ATF6: variants seen among roughly 807,000 people sequenced by gnomAD.
The protein encoded by ATF6 is activating transcription factor 6, also known as cyclic AMP-dependent transcription factor ATF-6 alpha.
In ATF6, 53 loss-of-function variants were observed where a neutral mutation model predicts 83.6. The observed-to-expected ratio is 0.63, with a 90% CI of 0.51 to 0.80. The LOEUF is 0.80. Among genes scored for constraint, ATF6 ranks in the 30% least tolerant of loss-of-function variants. The probability of loss-of-function intolerance (pLI) is 0.00; values close to 1 mark genes in which losing one functional copy is unlikely to be tolerated. For synonymous variants in ATF6, 288 were observed against 285.8 expected, an observed-to-expected ratio of 1.01 and a Z score of -0.08; for missense variants, 744 against 797.9, an observed-to-expected ratio of 0.93 and a Z score of 0.81.
At chr1:161,856,869 T>G (rs1686777909) in intron 12 of ATF6, among the ~76,000 whole-genome samples, 1 of 152,178 alleles carries the variant, frequency 6.6e-6, no homozygotes, top group Non-Finnish European at 1.5e-5. Context: ...TTGTTTTAAT[T>G]TTACTGTCTT....
At chr1:161,948,126 GGTAC>G (rs1358269681) in intron 15 of ATF6, among the ~76,000 whole-genome samples, 1 of 151,990 alleles carries the variant, frequency 6.6e-6, no homozygotes, top group Non-Finnish European at 1.5e-5. Context: ...CTGAAGAAAG[GGTAC>G]GTTCCTAATG....
intron 9 of ATF6, among the ~76,000 whole-genome samples, chr1:161,835,863 A>G (rs542385149): frequency 1.3e-5 from 2 of 152,212 alleles, no homozygotes; most frequent in African/African-American, 4.8e-5. Flanking sequence ...CAAATCATAA[A>G]TGAACATACT....
chr1:161,909,774 G>T (rs1290784054), intron 14 of ATF6, among the ~76,000 whole-genome samples: 1 of 152,130 alleles, frequency 6.6e-6, no homozygotes, highest in East Asian at 1.9e-4. Context: ...GGCTAACATG[G>T]TGAAACCCCG....
At chr1:161,812,158 C>T (rs185824130) in intron 7 of ATF6, among the ~76,000 whole-genome samples, 5 of 152,012 alleles carry the variant, frequency 3.3e-5, no homozygotes, top group African/African-American at 1.2e-4. Context: ...CTCTTTAAAT[C>T]TTATAACAGC....
intron 13 of ATF6, among the ~76,000 whole-genome samples, chr1:161,862,263 A>G (rs1239413045): frequency 1.3e-5 from 2 of 152,190 alleles, no homozygotes; most frequent in African/African-American, 2.4e-5. Context: ...TTTCAAAGGA[A>G]ATTCTTATGA....
At chr1:161,919,786 T>C (rs1319545836) in intron 15 of ATF6, among the ~76,000 whole-genome samples, 2 of 152,228 alleles carry the variant, frequency 1.3e-5, no homozygotes, top group Non-Finnish European at 2.9e-5. Flanking sequence ...ACTGTAATTA[T>C]ATTTAATCTC....
intron 1 of ATF6, among the ~76,000 whole-genome samples, chr1:161,773,415 A>G (rs1280112565): frequency 1.3e-5 from 2 of 152,088 alleles, no homozygotes; most frequent in Non-Finnish European, 2.9e-5. Flanking sequence ...TGCTGAGATT[A>G]CAGGCGTCAG....
chr1:161,816,633 AGAG>A (rs1685621060), intron 7 of ATF6, among the ~76,000 whole-genome samples: 1 of 152,210 alleles, frequency 6.6e-6, no homozygotes, highest in Admixed American at 6.5e-5. Flanking sequence ...AATTTCAACA[AGAG>A]GAGATTAATT....
At chr1:161,827,107 AT>A (rs1445435507) in intron 9 of ATF6, among the ~76,000 whole-genome samples, 1 of 151,616 alleles carries the variant, frequency 6.6e-6, no homozygotes, top group African/African-American at 2.4e-5. Flanking sequence ...AATTTTTTGT[AT>A]TTTTAGTAGA....
At position 161,846,578 on chromosome 1, in the gene ATF6, C is replaced by T. The variant is rs749651564; in HGVS notation, c.1317C>T (p.Tyr439=). ...ATGGTATTATCCAGAAAAACAGCTA[C>T]AGGTAAGATGGCATGCATCTATCTT... The part of the protein sequence containing the change: ...TSDGIIQKNS[Y]RYDHSVSNDK... Residue 439 remains tyrosine (Y), a splice_region_variant and synonymous_variant, in exon 10 of 16, where the codon TAC becomes TAT. Transcript: ENST00000367942. 6.2e-7 allele frequency: 1 copy of T among 1,600,316 alleles called. No individual in the cohort carries two copies. Among genetic ancestry groups the T allele is most frequent in the Non-Finnish European group, 8.5e-7 (1 of 1,173,268 alleles).
chr1:161,836,081 T>C (rs1358058853), intron 9 of ATF6, among the ~76,000 whole-genome samples: 1 of 152,190 alleles, frequency 6.6e-6, no homozygotes, highest in Non-Finnish European at 1.5e-5. Context: ...CTTATGAGAC[T>C]GTGCTTTAAG....
At chr1:161,817,871 G>A (rs1685650462) in intron 7 of ATF6, among the ~76,000 whole-genome samples, 2 of 152,044 alleles carry the variant, frequency 1.3e-5, no homozygotes, top group Admixed American at 6.6e-5. Flanking sequence ...GCCGAGGCGG[G>A]CGGATCAGGA....
intron 9 of ATF6, among the ~76,000 whole-genome samples, chr1:161,823,544 A>G (rs1327462253): frequency 6.6e-6 from 1 of 152,120 alleles, no homozygotes; most frequent in Non-Finnish European, 1.5e-5. Context: ...CTTTCCTTCA[A>G]ATTCTTAATG....
At chr1:161,777,503 C>T (rs970469540) in intron 1 of ATF6, among the ~76,000 whole-genome samples, 5 of 152,134 alleles carry the variant, frequency 3.3e-5, no homozygotes, top group Admixed American at 6.5e-5. Context: ...CAAAGGAAGA[C>T]CTAGTTTTGA....
chr1:161,843,170 TAA>T (rs1197321698), intron 9 of ATF6, among the ~76,000 whole-genome samples: 4 of 152,142 alleles, frequency 2.6e-5, no homozygotes, highest in Admixed American at 6.5e-5. Flanking sequence ...ACGTGCCAGT[TAA>T]CTTAACATGC....
At chr1:161,855,532 G>A (rs1194961931) in intron 12 of ATF6, among the ~76,000 whole-genome samples, 4 of 152,152 alleles carry the variant, frequency 2.6e-5, no homozygotes, top group African/African-American at 4.8e-5. Context: ...TAGGAGAGAG[G>A]TTGAAACTGG....
chr1:161,901,102 A>T (rs1043216708), intron 14 of ATF6, among the ~76,000 whole-genome samples: 32 of 152,266 alleles, frequency 2.1e-4, no homozygotes, highest in African/African-American at 7.7e-4. Flanking sequence ...TCTGTCTGTC[A>T]TACATATGAA....
At chr1:161,904,892 C>G (rs1215171538) in intron 14 of ATF6, among the ~76,000 whole-genome samples, 1 of 152,158 alleles carries the variant, frequency 6.6e-6, no homozygotes. Flanking sequence ...AAAATTTGTT[C>G]ACTGATGTAC....
intron 6 of ATF6, 49 bp downstream of exon 6, chr1:161,792,376 A>G: frequency 6.6e-7 from 1 of 1,522,784 alleles, no homozygotes; most frequent in East Asian, 2.3e-5. Flanking sequence ...GAGGGCAGTA[A>G]GGGTTGTGTC....
Sources: gnomAD v4.1 joint callset for allele counts (sites outside exome capture counted in the v4.1 genomes callset) on GRCh38, gnomAD v4.1.1 for gene constraint, MANE v1.5 for transcripts, NCBI Gene and HGNC (gene_info 2026-07-23, HGNC 2026-07-21) for gene names.